The following NCOR2 variants were observed in gnomAD, a reference collection of about 807,000 sequenced individuals.
NCOR2 encodes the protein nuclear receptor corepressor 2.
NCOR2 carries 81 observed loss-of-function variants against 262.9 expected under a neutral mutation model. The ratio of observed to expected loss-of-function variants is 0.31; its 90% CI spans 0.26 to 0.37. NCOR2 has a LOEUF of 0.37. NCOR2 is among the 10% of genes least tolerant of loss of function. The pLI, the probability that NCOR2 is intolerant of heterozygous loss-of-function variation, is 1.00. For synonymous variants in NCOR2, 1,659 were observed against 1,559.3 expected, an observed-to-expected ratio of 1.06 and a Z score of -1.51; for missense variants, 3,385 against 3,621.4, an observed-to-expected ratio of 0.93 and a Z score of 1.68.
At chr12:124,472,907 T>C (rs1475868333) in intron 4 of NCOR2, 45 bp downstream of exon 6, 1 of 1,608,138 alleles carries the variant, frequency 6.2e-7, no homozygotes, top group South Asian at 1.1e-5. Context: ...GCTGCTAGAA[T>C]GGAGACTCAG....
chr12:124,347,631 T>C (rs2037047531), intron 30 of NCOR2, 194 bp downstream of exon 32: 1 of 602,708 alleles, frequency 1.7e-6, no homozygotes, highest in Non-Finnish European at 2.9e-6. Context: ...TTTTGCTTTT[T>C]GTTTTTGTTT....
At chr12:124,487,692 C>T (rs914452669) in intron 1 of NCOR2, among the ~76,000 whole-genome samples, 18 of 152,388 alleles carry the variant, frequency 1.2e-4, no homozygotes, top group South Asian at 4.1e-4. Flanking sequence ...TCTCCCTTAT[C>T]GTGACAGTCT....
intron 13 of NCOR2, among the ~76,000 whole-genome samples, chr12:124,417,951 C>T (rs2042997315): frequency 6.6e-6 from 1 of 151,524 alleles, no homozygotes; most frequent in South Asian, 2.1e-4. Context: ...ATGCCGCCTA[C>T]TTGGGAGGCT....
intron 1 of NCOR2, among the ~76,000 whole-genome samples, chr12:124,502,996 A>AGG (rs2136962056): frequency 6.6e-6 from 1 of 152,300 alleles, no homozygotes; most frequent in South Asian, 2.1e-4. Context: ...CTCCCTAAGG[A>AGG]AGAGCCAGGT....
At chr12:124,395,778 G>A (rs1021874379) in intron 16 of NCOR2, among the ~76,000 whole-genome samples, 29 of 152,284 alleles carry the variant, frequency 1.9e-4, no homozygotes, top group Non-Finnish European at 2.6e-4. Flanking sequence ...GGGACCCTGG[G>A]CTGACCGTTT....
At chr12:124,462,662 G>A (rs534141452) in intron 5 of NCOR2, among the ~76,000 whole-genome samples, 2 of 152,216 alleles carry the variant, frequency 1.3e-5, no homozygotes, top group Admixed American at 6.5e-5. Context: ...GCCACAGGAC[G>A]GGGTCTGAAG....
chr12:124,426,746 C>T (rs1320059043), exon 11 of NCOR2: 10 of 1,606,714 alleles, frequency 6.2e-6, no homozygotes, highest in Non-Finnish European at 8.5e-6. Flanking sequence ...TGCTGGTCAG[C>T]GTCGTACAGC....
At chr12:124,436,212 C>T (rs2044328334) in intron 8 of NCOR2, among the ~76,000 whole-genome samples, 1 of 152,224 alleles carries the variant, frequency 6.6e-6, no homozygotes, top group African/African-American at 2.4e-5. Flanking sequence ...AGGACTTGGT[C>T]ATCACCTACT....
At chr12:124,352,002 G>A (rs911214023) in intron 27 of NCOR2, among the ~76,000 whole-genome samples, 1 of 152,196 alleles carries the variant, frequency 6.6e-6, no homozygotes, top group Non-Finnish European at 1.5e-5. Flanking sequence ...CCTGGTCTTT[G>A]CGGAGGGCAA....
chr12:124,373,612 A>G (rs1463950720), intron 19 of NCOR2, among the ~76,000 whole-genome samples: 5 of 123,924 alleles, frequency 4.0e-5, no homozygotes, highest in Non-Finnish European at 8.5e-5. Context: ...CCCCGGGCAC[A>G]GTGGGCAGTG....
chr12:124,414,072 G>A (rs946851311), intron 13 of NCOR2, among the ~76,000 whole-genome samples: 3 of 152,108 alleles, frequency 2.0e-5, no homozygotes, highest in Non-Finnish European at 4.4e-5. Context: ...GCCTGCCCTC[G>A]CAGGGCTCCT....
intron 1 of NCOR2, among the ~76,000 whole-genome samples, chr12:124,510,065 G>A (rs1044487049): frequency 1.3e-5 from 2 of 152,196 alleles, no homozygotes; most frequent in African/African-American, 4.8e-5. Context: ...GCCACCACAT[G>A]GGCTGTACCC....
intron 6 of NCOR2, among the ~76,000 whole-genome samples, chr12:124,456,759 A>AGG (rs1800825014): frequency 1.3e-5 from 2 of 152,128 alleles, no homozygotes. Context: ...GACCCAGAGA[A>AGG]CCGGCTCTCC....
intron 1 of NCOR2, among the ~76,000 whole-genome samples, chr12:124,519,450 T>C (rs10846682): frequency 0.19 from 28,830 of 152,038 alleles, 2,997 homozygotes; most frequent in East Asian, 0.27. Context: ...GGGGTGCAGA[T>C]GTGAGGAAGG....
chr12:124,413,060 C>T (rs952505318), intron 13 of NCOR2, among the ~76,000 whole-genome samples: 30 of 152,232 alleles, frequency 2.0e-4, no homozygotes, highest in African/African-American at 7.0e-4. Flanking sequence ...TTCTCACCCC[C>T]AGCCCACAGG....
chr12:124,451,291 G>GGAA lies in NCOR2; in HGVS notation c.763-1425_763-1424insTTC, dbSNP rs2045515660. On this transcript the variant is annotated intron_variant, in intron 6 of 46. Coordinates refer to ENST00000405201, the Ensembl canonical transcript of NCOR2. Reference sequence around the variant, plus strand: ...CCCACACCAGCAGAAATGCTCAGCTGCCTTCCAGACAGGTGAGAAACAGTG... The same window carrying GGAA: ...CCCACACCAGCAGAAATGCTCAGCTGGAACCTTCCAGACAGGTGAGAAACAGTG... 2.6e-5 allele frequency among the ~76,000 whole-genome samples: 4 copies of GGAA among 152,350 alleles called. No homozygotes were observed. In the South Asian group the frequency reaches 6.2e-4, roughly 24 times the overall value.
At chr12:124,330,995 C>G in intron 43 of NCOR2, 97 bp from the exon 46 acceptor site, 2 of 1,305,414 alleles carry the variant, frequency 1.5e-6, no homozygotes, top group Non-Finnish European at 2.2e-6. Context: ...GCTGGCATCA[C>G]CTGGGGAAAC....
rs2049911747 is a variant in NCOR2, at chr12:124,517,830, C to T, written c.-118+17735G>A. On this transcript the variant is annotated intron_variant, in intron 1 of 46. Coordinates refer to the NCOR2 transcript ENST00000404621. The surrounding 1 kb of genome is among the most constrained non-coding windows in gnomAD (Gnocchi z 7.6). ...CTCTTTTCCGTGACTGCAGCAACTT[C>T]GTCCGATGAGACAGCCCTGCCCACC... is the stretch of plus-strand genomic sequence containing the variant. 6.6e-6 allele frequency among the ~76,000 whole-genome samples: 1 copy of T among 152,212 alleles called. No homozygotes were observed. Among genetic ancestry groups the T allele is most frequent in the Non-Finnish European group, 1.5e-5 (1 of 68,040 alleles).
intron 1 of NCOR2, among the ~76,000 whole-genome samples, chr12:124,493,297 C>G (rs922663305): frequency 6.6e-6 from 1 of 152,058 alleles, no homozygotes; most frequent in African/African-American, 2.4e-5. Context: ...GGACAAGAAA[C>G]CAGAAGCCAG....
Sources: gnomAD v4.1 joint callset for allele counts (sites outside exome capture counted in the v4.1 genomes callset) on GRCh38, gnomAD v4.1.1 for gene constraint, Gnocchi (gnomAD v3.1) non-coding constraint, MANE v1.5 for transcripts, NCBI Gene and HGNC (gene_info 2026-07-23, HGNC 2026-07-21) for gene names.